ROBO1: variants seen among roughly 807,000 people sequenced by gnomAD.
The protein encoded by ROBO1 is roundabout homolog 1.
ROBO1 carries 149 observed loss-of-function variants against 195.9 expected under a neutral mutation model. The ratio of observed to expected loss-of-function variants is 0.76; its 90% CI spans 0.67 to 0.87. ROBO1 has a LOEUF of 0.87. Ranked by LOEUF, ROBO1 falls within the 40% of genes least tolerant of loss-of-function variation. The pLI, the probability that ROBO1 is intolerant of heterozygous loss-of-function variation, is 0.00. For synonymous variants in ROBO1, 816 were observed against 733.2 expected (o/e 1.11, Z -1.82); for missense variants, 1,933 against 2,068.3 (o/e 0.93, Z 1.27).
intron 2 of ROBO1, among the ~76,000 whole-genome samples, chr3:79,453,102 C>T (rs1241381343): frequency 6.6e-6 from 1 of 151,634 alleles, no homozygotes; most frequent in Non-Finnish European, 1.5e-5. Flanking sequence ...CTTAAGTAGC[C>T]AAATCTAGAG....
At chr3:79,542,873 G>C (rs1000757008) in intron 2 of ROBO1, among the ~76,000 whole-genome samples, 1 of 151,896 alleles carries the variant, frequency 6.6e-6, no homozygotes, top group Non-Finnish European at 1.5e-5. Flanking sequence ...CACATTATTA[G>C]CATAAATTTC....
chr3:78,600,064 A>AAAC, intron 30 of ROBO1, 49 bp downstream of exon 30: 1 of 1,490,102 alleles, frequency 6.7e-7, no homozygotes, highest in Non-Finnish European at 9.4e-7. Context: ...TAACTACATA[A>AAAC]AACAACCACA....
chr3:79,327,040 A>T (rs1052871358), intron 2 of ROBO1, among the ~76,000 whole-genome samples: 1 of 152,202 alleles, frequency 6.6e-6, no homozygotes, highest in Non-Finnish European at 1.5e-5. Context: ...AATTGAGTTC[A>T]TGCATACAAA....
chr3:78,606,603 A>C, intron 29 of ROBO1, 130 bp downstream of exon 29: 1 of 829,814 alleles, frequency 1.2e-6, no homozygotes, highest in South Asian at 1.6e-5. Context: ...ATTCGAGTAC[A>C]TGCCTATCTC....
At chr3:79,550,197 A>AAAGAAGGAAAGGAAAGG (rs142251104) in intron 2 of ROBO1, among the ~76,000 whole-genome samples, 1 of 19,298 alleles carries the variant, frequency 5.2e-5, no homozygotes. Context: ...GAAAGAAAGG[A>AAAGAAGGAAAGGAAAGG]AAAGAAAAGA....
chr3:78,992,419 G>A (rs751100629), intron 3 of ROBO1, among the ~76,000 whole-genome samples: 1 of 152,108 alleles, frequency 6.6e-6, no homozygotes, highest in East Asian at 1.9e-4. Flanking sequence ...TGCTGAAAGT[G>A]AAAGAAGGAT....
intron 2 of ROBO1, among the ~76,000 whole-genome samples, chr3:79,285,719 A>G (rs1212532958): frequency 6.6e-6 from 1 of 152,116 alleles, no homozygotes; most frequent in Non-Finnish European, 1.5e-5. Flanking sequence ...AGACCATTAA[A>G]CCCTTGTGTC....
intron 2 of ROBO1, among the ~76,000 whole-genome samples, chr3:79,242,936 C>T (rs1269873550): frequency 6.6e-6 from 1 of 151,396 alleles, no homozygotes; most frequent in Non-Finnish European, 1.5e-5. Context: ...CACCTATTAA[C>T]TCATCATTTA....
chr3:79,088,236 A>G (rs2079411573), intron 3 of ROBO1, among the ~76,000 whole-genome samples: 1 of 152,128 alleles, frequency 6.6e-6, no homozygotes, highest in South Asian at 2.1e-4. Flanking sequence ...TTGATTTAGA[A>G]TTATTCATTA....
At chr3:79,385,272 G>A (rs1313122558) in intron 2 of ROBO1, among the ~76,000 whole-genome samples, 2 of 152,070 alleles carry the variant, frequency 1.3e-5, no homozygotes, top group African/African-American at 4.8e-5. Context: ...GAATCTTTCT[G>A]TATATATCTA....
intron 2 of ROBO1, among the ~76,000 whole-genome samples, chr3:79,510,683 GA>G (rs1330751995): frequency 6.6e-6 from 1 of 151,618 alleles, no homozygotes; most frequent in Non-Finnish European, 1.5e-5. Context: ...TAATTTGGGA[GA>G]AAAAATATGT....
rs2082371581 is a variant in ROBO1 at position 79,234,316 on chromosome 3, T to A, written c.89-108777A>T. On this transcript the variant is annotated intron_variant, in intron 2 of 30. Transcript: ENST00000464233. ...GTTTTCTTCTAAGATTCTTAGAGTT[T>A]GAGGTCTTACATTTAAATCGTTAAG... 1.3e-5 allele frequency among the ~76,000 whole-genome samples: 2 copies of A among 152,164 alleles called. 1 individual carries two copies. Among genetic ancestry groups the A allele is most frequent in the South Asian group, 4.1e-4 (2 of 4,836 alleles).
chr3:78,659,829 T>C (rs764745741), intron 16 of ROBO1, 22 bp from the exon 17 acceptor site: 1 of 1,590,008 alleles, frequency 6.3e-7, no homozygotes. Flanking sequence ...TTTTAAAAGG[T>C]AGGTTATTAG....
chr3:79,748,501 C>T (rs970946838), intron 1 of ROBO1, among the ~76,000 whole-genome samples: 23 of 152,144 alleles, frequency 1.5e-4, no homozygotes, highest in Non-Finnish European at 4.4e-5. Flanking sequence ...AGTTTTATTT[C>T]AATATTTTTA....
At position 78,662,121 on chromosome 3, in the gene ROBO1, C is replaced by T. The variant is rs746382441; in HGVS notation, c.1967-7G>A. On this transcript the variant is annotated splice_region_variant and splice_polypyrimidine_tract_variant and intron_variant, in intron 14 of 30. Coordinates refer to ENST00000464233, the MANE Select transcript of ROBO1 (RefSeq NM_002941.4). ...TGACTTGTTGGTAGGACATCTACAA[C>T]AAGTCAAGAAAACTGTGTCAGGGTC... is the stretch of plus-strand genomic sequence containing the variant. 2 of 1,552,306 alleles carry T rather than the reference C, an allele frequency of 1.3e-6. No homozygotes were observed. Among genetic ancestry groups the T allele is most frequent in the African/African-American group, 1.4e-5 (1 of 72,686 alleles).
chr3:79,155,556 T>C (rs956528919), intron 2 of ROBO1, among the ~76,000 whole-genome samples: 1 of 151,810 alleles, frequency 6.6e-6, no homozygotes, highest in African/African-American at 2.4e-5. Context: ...TTACTAGTAA[T>C]GCTAGAGGAA....
intron 3 of ROBO1, among the ~76,000 whole-genome samples, chr3:79,057,444 C>T (rs367823416): frequency 3.3e-5 from 5 of 152,060 alleles, no homozygotes; most frequent in African/African-American, 1.2e-4. Context: ...TGTCAGAGAC[C>T]ACCCTCAGAC....
intron 4 of ROBO1, among the ~76,000 whole-genome samples, chr3:78,931,239 T>C (rs1464124177): frequency 8.7e-6 from 1 of 115,034 alleles, no homozygotes; most frequent in African/African-American, 5.3e-5. Flanking sequence ...TTTCTTTCTT[T>C]TTTTTTTTTT....
intron 2 of ROBO1, among the ~76,000 whole-genome samples, chr3:79,328,846 T>A (rs563713778): frequency 1.3e-5 from 2 of 151,974 alleles, no homozygotes; most frequent in African/African-American, 4.8e-5. Flanking sequence ...ATCATTCTAA[T>A]GCCTTTGTGT....
Sources: allele counts gnomAD v4.1 joint callset (sites outside exome capture counted in the v4.1 genomes callset), GRCh38; gene constraint gnomAD v4.1.1; transcripts MANE v1.5; gene names NCBI Gene and HGNC (gene_info 2026-07-23, HGNC 2026-07-21).